The following SHROOM3 variants were observed in gnomAD, a reference collection of about 807,000 sequenced individuals.
SHROOM3 encodes the protein shroom family member 3, also known as protein Shroom3.
SHROOM3 carries 47 observed loss-of-function variants against 138.6 expected under a neutral mutation model. That is an observed-to-expected ratio of 0.34 (90% CI 0.27 to 0.43). SHROOM3 has a LOEUF of 0.43. SHROOM3 is among the 20% of genes least tolerant of loss of function. The pLI is 1.00. For synonymous variants in SHROOM3, 1,062 were observed against 1,063.3 expected (o/e 1.00, Z 0.02); for missense variants, 2,491 against 2,596.5 (o/e 0.96, Z 0.88).
At chr4:76,554,250 AT>A (rs112658555) in intron 1 of SHROOM3, among the ~76,000 whole-genome samples, 2,284 of 152,226 alleles carry the variant, frequency 0.015, 46 homozygotes, top group African/African-American at 0.05. Context: ...AGAAATATGC[AT>A]TTTAAGTTTC....
At chr4:76,738,338 A>G (rs1721136964) in intron 4 of SHROOM3, among the ~76,000 whole-genome samples, 1 of 152,178 alleles carries the variant, frequency 6.6e-6, no homozygotes, top group Admixed American at 6.5e-5. Context: ...ACCCGTGCCT[A>G]TTCTCTTATT....
intron 2 of SHROOM3, among the ~76,000 whole-genome samples, chr4:76,673,748 G>A (rs1718951365): frequency 6.6e-6 from 1 of 152,180 alleles, no homozygotes; most frequent in Non-Finnish European, 1.5e-5. Flanking sequence ...CAATTCAGTA[G>A]TATTAAGTAT....
At chr4:76,725,444 GTTTAA>G (rs1296228020) in intron 3 of SHROOM3, among the ~76,000 whole-genome samples, 1 of 151,956 alleles carries the variant, frequency 6.6e-6, no homozygotes, top group Non-Finnish European at 1.5e-5. Flanking sequence ...TTTAAAATTT[GTTTAA>G]TTTTTTATTT....
Position 76,689,360 on chromosome 4 carries a change from GCCGAGCCAGC to G in SHROOM3, c.324-20795_324-20786del, listed in dbSNP as rs1383933796. 2.9e-5 allele frequency among the ~76,000 whole-genome samples: 3 copies of G among 103,840 alleles called. No individual in the cohort carries two copies. The East Asian group carries it at 8.5e-4, about 29-fold the overall frequency. The allele number at this position is 103,840 out of a possible 152,430, so 68.1% of individuals were successfully genotyped here. On this transcript the variant is annotated intron_variant, in intron 2 of 10. Coordinates refer to ENST00000296043, the MANE Select transcript of SHROOM3 (RefSeq NM_020859.4). ...TGGGATTACCTGGTGGCGAGCGAGC[GCCGAGCCAGC>G]GCCGAGCCAGCGCGGCCCCTCGGGT... is the stretch of plus-strand genomic sequence containing the variant.
intron 3 of SHROOM3, among the ~76,000 whole-genome samples, chr4:76,730,444 G>C (rs1005158436): frequency 6.6e-6 from 1 of 152,194 alleles, no homozygotes; most frequent in African/African-American, 2.4e-5. Flanking sequence ...TATATGGATA[G>C]ATAGAGACCA....
At chr4:76,442,404 GTTTTTTT>G (rs59712445) in intron 1 of SHROOM3, among the ~76,000 whole-genome samples, 1 of 112,350 alleles carries the variant, frequency 8.9e-6, no homozygotes. Flanking sequence ...GCCCTTTATA[GTTTTTTT>G]TTTTTTTTTT....
chr4:76,536,177 G>A (rs543611186), intron 1 of SHROOM3, among the ~76,000 whole-genome samples: 25 of 152,308 alleles, frequency 1.6e-4, no homozygotes, highest in African/African-American at 5.8e-4. Context: ...TTCACTGGCA[G>A]GATCTTCTGT....
At chr4:76,660,745 G>C (rs1736166262) in intron 2 of SHROOM3, among the ~76,000 whole-genome samples, 1 of 152,060 alleles carries the variant, frequency 6.6e-6, no homozygotes, top group Non-Finnish European at 1.5e-5. Context: ...CAAAGTGCTG[G>C]GATTATAGAC....
intron 1 of SHROOM3, among the ~76,000 whole-genome samples, chr4:76,504,849 G>T (rs1228368962): frequency 6.6e-6 from 1 of 152,160 alleles, no homozygotes; most frequent in Non-Finnish European, 1.5e-5. Flanking sequence ...GATGGTTGGG[G>T]TAAGTAGAAA....
At chr4:76,453,311 C>T (rs1367964304) in intron 1 of SHROOM3, among the ~76,000 whole-genome samples, 1 of 151,584 alleles carries the variant, frequency 6.6e-6, no homozygotes, top group African/African-American at 2.4e-5. Flanking sequence ...CAGGGTCTTG[C>T]TCCATTGTCC....
At chr4:76,466,017 C>T (rs1172169544) in intron 1 of SHROOM3, among the ~76,000 whole-genome samples, 2 of 152,168 alleles carry the variant, frequency 1.3e-5, no homozygotes, top group African/African-American at 4.8e-5. Flanking sequence ...TAACCAAGAA[C>T]CTGAACAGCA....
intron 2 of SHROOM3, among the ~76,000 whole-genome samples, chr4:76,703,115 C>A (rs1719949823): frequency 6.6e-6 from 1 of 152,122 alleles, no homozygotes; most frequent in African/African-American, 2.4e-5. Flanking sequence ...TTGAGACATA[C>A]AAAGTGCATC....
At chr4:76,731,373 A>T (rs1421595333) in intron 4 of SHROOM3, among the ~76,000 whole-genome samples, 1 of 152,222 alleles carries the variant, frequency 6.6e-6, no homozygotes, top group East Asian at 1.9e-4. Flanking sequence ...CTTAGCTCCA[A>T]CGGCACAACT....
chr4:76,555,152 T>G (rs1294726654), intron 1 of SHROOM3, among the ~76,000 whole-genome samples: 2 of 152,054 alleles, frequency 1.3e-5, no homozygotes, highest in African/African-American at 4.8e-5. Flanking sequence ...TGCAACGCAC[T>G]TGAACCACGC....
intron 2 of SHROOM3, among the ~76,000 whole-genome samples, chr4:76,613,190 C>T (rs567269401): frequency 6.6e-6 from 1 of 152,312 alleles, no homozygotes; most frequent in East Asian, 1.9e-4. Flanking sequence ...CACCTCACCA[C>T]TAGGTCCAGT....
intron 1 of SHROOM3, among the ~76,000 whole-genome samples, chr4:76,506,757 A>G (rs1732219191): frequency 1.3e-5 from 2 of 152,008 alleles, no homozygotes; most frequent in Admixed American, 1.3e-4. Flanking sequence ...ATTTCTTTTT[A>G]TATTTATCAT....
chr4:76,447,771 A>G (rs1235228551), intron 1 of SHROOM3, among the ~76,000 whole-genome samples: 1 of 152,226 alleles, frequency 6.6e-6, no homozygotes, highest in Non-Finnish European at 1.5e-5. Context: ...CTACATTCAT[A>G]GTTGCATGGT....
At chr4:76,582,150 A>G (rs543622040) in intron 2 of SHROOM3, among the ~76,000 whole-genome samples, 123 of 152,214 alleles carry the variant, frequency 8.1e-4, no homozygotes, top group African/African-American at 2.7e-3. Context: ...AACACAATAC[A>G]TATGTGAATG....
intron 2 of SHROOM3, among the ~76,000 whole-genome samples, chr4:76,631,585 G>A (rs1735325886): frequency 1.3e-5 from 2 of 152,066 alleles, no homozygotes; most frequent in South Asian, 4.1e-4. Context: ...GCTATTCCAG[G>A]CAGAGAGAAA....
Sources: gnomAD v4.1 joint callset for allele counts (sites outside exome capture counted in the v4.1 genomes callset) on GRCh38, gnomAD v4.1.1 for gene constraint, MANE v1.5 for transcripts, NCBI Gene and HGNC (gene_info 2026-07-23, HGNC 2026-07-21) for gene names.